The following VDAC1 variants were observed in gnomAD, a reference collection of about 807,000 sequenced individuals.
The protein encoded by VDAC1 is voltage dependent anion channel 1.
In VDAC1, 10 loss-of-function variants were observed where a neutral mutation model predicts 34.7. The ratio of observed to expected loss-of-function variants is 0.29; its 90% CI spans 0.18 to 0.49. VDAC1 has a LOEUF of 0.49. VDAC1 is among the 20% of genes least tolerant of loss of function. VDAC1 has a pLI of 0.99. For synonymous variants in VDAC1, 130 were observed against 136.0 expected (o/e 0.96, Z 0.30); for missense variants, 230 against 347.9 (o/e 0.66, Z 2.69).
chr5:133,999,958 T>C lies in VDAC1; in HGVS notation c.-7+4937A>G, dbSNP rs1010702098. Among the ~76,000 whole-genome samples the C allele has an allele frequency of 1.2e-4, 18 of 151,982 alleles. 1 individual carries two copies. Among genetic ancestry groups the C allele is most frequent in the Non-Finnish European group, 1.9e-4 (13 of 67,990 alleles). On this transcript the variant is annotated intron_variant, in intron 1 of 8. Coordinates refer to ENST00000265333, the MANE Select transcript of VDAC1 (RefSeq NM_003374.3). ...GTCAGGGCAGAACTAGGCCAGCCTA[T>C]AGGAGGGGTATCAGACCAGCCAGTG...
the VDAC1 span, among the ~76,000 whole-genome samples, chr5:134,060,880 C>CTTCTTTTTTTTTTT: frequency 1.0e-5 from 1 of 98,682 alleles, no homozygotes; most frequent in African/African-American, 4.4e-5. Flanking sequence ...TCTTCTTCTT[C>CTTCTTTTTTTTTTT]TTTTTTTTTT....
At position 133,988,402 on chromosome 5, in the gene VDAC1, C is replaced by A. The variant is rs550339866; in HGVS notation, c.323+2453G>T. On this transcript the variant is annotated intron_variant, in intron 5 of 8. Transcript: ENST00000265333. ...AGGAGTTCAAGACCAGCCTGACCAA[C>A]ATGGAGAGACCCTGTCTCTATTAAA... Among the ~76,000 whole-genome samples, 5 of 151,978 alleles carry A rather than the reference C, an allele frequency of 3.3e-5. No individual in the cohort carries two copies. The South Asian group carries it at 1.0e-3, about 32-fold the overall frequency.
At chr5:133,981,988 C>A (rs1474673228) in intron 5 of VDAC1, among the ~76,000 whole-genome samples, 1 of 152,172 alleles carries the variant, frequency 6.6e-6, no homozygotes, top group Admixed American at 6.5e-5. Context: ...TAAATGGAAC[C>A]AGTGCTCCTT....
chr5:134,026,376 G>A, the VDAC1 span, among the ~76,000 whole-genome samples: 24 of 152,106 alleles, frequency 1.6e-4, no homozygotes, highest in South Asian at 1.2e-3. Context: ...TTAGCCAGGC[G>A]TGGTGGCGGG....
chr5:134,046,237 C>G, the VDAC1 span, among the ~76,000 whole-genome samples: 1 of 151,798 alleles, frequency 6.6e-6, no homozygotes, highest in Non-Finnish European at 1.5e-5. Context: ...ATCGTGTTAG[C>G]CAGGATTGTC....
the VDAC1 span, among the ~76,000 whole-genome samples, chr5:134,050,396 A>G: frequency 6.6e-6 from 1 of 152,178 alleles, no homozygotes; most frequent in Admixed American, 6.5e-5. Context: ...AAATTATTCA[A>G]TGCGTTAGTT....
chr5:134,104,950 T>C, the VDAC1 span, among the ~76,000 whole-genome samples: 1 of 152,186 alleles, frequency 6.6e-6, no homozygotes, highest in African/African-American at 2.4e-5. Context: ...TCCTTGATAC[T>C]GTCTCCCGTA....
Position 133,973,900 on chromosome 5 carries a change from C to T in VDAC1, c.703-52G>A, listed in dbSNP as rs761661572. 3.2e-6 allele frequency: 5 copies of T among 1,549,748 alleles called. No homozygotes were observed. The East Asian group carries it at 6.8e-5, about 21-fold the overall frequency. ...AAAACATTAAGTATAATACTTTGCA[C>T]TTCCATCTCCAAAATTAGAGCTTTT... On this transcript the variant is annotated intron_variant, in intron 7 of 8. Coordinates refer to ENST00000265333, the MANE Select transcript of VDAC1 (RefSeq NM_003374.3).
Position 133,972,631 on chromosome 5 carries a change from G to T in VDAC1, c.*140C>A. On this transcript the variant is annotated 3_prime_UTR_variant, in exon 9 of 9. Transcript: ENST00000265333. ...ACCTCTGGAAGGGTAACATCTTAAA[G>T]CTGAATCAACTTTAACCTGGAGGGC... 1.4e-6 allele frequency: 1 copy of T among 720,586 alleles called. No homozygotes were observed. The highest frequency in any genetic ancestry group is 2.3e-6 in the Non-Finnish European group (1 of 441,232). 44.6% of individuals were successfully genotyped at this position (720,586 alleles called of 1,614,324 possible). A position where few individuals can be genotyped will look rare whatever the true frequency, so the allele number is the denominator to read the frequency against.
the VDAC1 span, among the ~76,000 whole-genome samples, chr5:134,035,921 G>A: frequency 5.3e-5 from 8 of 150,244 alleles, no homozygotes; most frequent in Non-Finnish European, 1.5e-5. Context: ...CAGGAGAATC[G>A]CTTGGACCCT....
At chr5:134,051,899 T>C in the VDAC1 span, among the ~76,000 whole-genome samples, 2 of 152,010 alleles carry the variant, frequency 1.3e-5, no homozygotes, top group Non-Finnish European at 2.9e-5. Flanking sequence ...GGTTTCACCA[T>C]GTTGGCCAGG....
chr5:134,027,727 T>C, the VDAC1 span, among the ~76,000 whole-genome samples: 1 of 152,080 alleles, frequency 6.6e-6, no homozygotes, highest in South Asian at 2.1e-4. Context: ...TGCAACTCTG[T>C]TATTTTTGGT....
chr5:134,039,551 G>C, the VDAC1 span, among the ~76,000 whole-genome samples: 144 of 152,040 alleles, frequency 9.5e-4, 4 homozygotes, highest in East Asian at 0.016. Flanking sequence ...GGATGGTCTC[G>C]ATCTGCTGAC....
the VDAC1 span, among the ~76,000 whole-genome samples, chr5:134,077,561 A>G: frequency 6.6e-6 from 1 of 152,212 alleles, no homozygotes; most frequent in Non-Finnish European, 1.5e-5. Flanking sequence ...TCACGCTGGC[A>G]TGCCCCATAA....
At chr5:133,979,424 C>CTTTTTCTT (rs1752602787) in intron 6 of VDAC1, among the ~76,000 whole-genome samples, 1 of 80,992 alleles carries the variant, frequency 1.2e-5, no homozygotes. Flanking sequence ...ATTTTCTTTG[C>CTTTTTCTT]TTTTTTTTTT....
the VDAC1 span, among the ~76,000 whole-genome samples, chr5:134,101,318 G>A: frequency 1.3e-5 from 2 of 152,192 alleles, no homozygotes; most frequent in African/African-American, 2.4e-5. Context: ...GGCCAGGCGC[G>A]GTGGCTCACG....
chr5:134,034,048 T>TG, the VDAC1 span, among the ~76,000 whole-genome samples: 1 of 151,210 alleles, frequency 6.6e-6, no homozygotes, highest in Non-Finnish European at 1.5e-5. Flanking sequence ...ACCAGCCACG[T>TG]GAAAAAGGTG....
At chr5:134,029,425 A>C in the VDAC1 span, among the ~76,000 whole-genome samples, 1 of 152,190 alleles carries the variant, frequency 6.6e-6, no homozygotes, top group African/African-American at 2.4e-5. Flanking sequence ...ATTTTGTCAC[A>C]CTGTTGGGTA....
the VDAC1 span, among the ~76,000 whole-genome samples, chr5:134,059,830 T>TGATGTCTTGTTTTGGATATCTGTTC: frequency 6.6e-6 from 1 of 151,968 alleles, no homozygotes; most frequent in Non-Finnish European, 1.5e-5. Flanking sequence ...TGTTTGGGTT[T>TGATGTCTTGTTTTGGATATCTGTTC]CTTTGTTATA....
Sources: gnomAD v4.1 joint callset for allele counts (sites outside exome capture counted in the v4.1 genomes callset) on GRCh38, gnomAD v4.1.1 for gene constraint, MANE v1.5 for transcripts, NCBI Gene and HGNC (gene_info 2026-07-23, HGNC 2026-07-21) for gene names.